ADGRA3: variants seen among roughly 807,000 people sequenced by gnomAD.
ADGRA3 encodes adhesion G protein-coupled receptor A3.
ADGRA3 carries 56 observed loss-of-function variants against 119.8 expected under a neutral mutation model. That is an observed-to-expected ratio of 0.47 (90% CI 0.38 to 0.58). The LOEUF (loss-of-function observed/expected upper bound fraction) is 0.58. Among genes scored for constraint, ADGRA3 ranks in the 20% least tolerant of loss-of-function variants. The pLI is 0.00. For synonymous variants in ADGRA3, 607 were observed against 623.8 expected, an observed-to-expected ratio of 0.97 and a Z score of 0.40; for missense variants, 1,516 against 1,649.0, an observed-to-expected ratio of 0.92 and a Z score of 1.40.
chr4:22,476,837 T>C (rs1718062347), intron 1 of ADGRA3, among the ~76,000 whole-genome samples: 1 of 151,992 alleles, frequency 6.6e-6, no homozygotes, highest in Non-Finnish European at 1.5e-5. Context: ...CAGCTAATTT[T>C]TGTATTTTTA....
intron 5 of ADGRA3, 101 bp downstream of exon 5, chr4:22,447,339 A>G: frequency 1.4e-6 from 1 of 722,514 alleles, no homozygotes; most frequent in South Asian, 1.9e-5. Context: ...CCTTGACAAG[A>G]TTGTCCTCAC....
intron 8 of ADGRA3, 51 bp from the exon 9 acceptor site, chr4:22,436,692 T>C (rs769803572): frequency 5.4e-6 from 8 of 1,471,640 alleles, no homozygotes; most frequent in East Asian, 4.6e-5. Flanking sequence ...CACGGGTACA[T>C]CAAGAATAAC....
chr4:22,513,042 C>T (rs1311217759), intron 1 of ADGRA3, among the ~76,000 whole-genome samples: 1 of 152,070 alleles, frequency 6.6e-6, no homozygotes, highest in East Asian at 1.9e-4. Context: ...TCTACAGTAA[C>T]TCTAACTCTT....
At chr4:22,400,292 A>T (rs1469285480) in intron 16 of ADGRA3, among the ~76,000 whole-genome samples, 3 of 152,152 alleles carry the variant, frequency 2.0e-5, no homozygotes, top group Non-Finnish European at 4.4e-5. Flanking sequence ...GATAGAAACA[A>T]CTTGTATGTC....
At chr4:22,412,325 G>A (rs1038477654) in intron 14 of ADGRA3, among the ~76,000 whole-genome samples, 16 of 152,018 alleles carry the variant, frequency 1.1e-4, no homozygotes, top group African/African-American at 3.9e-4. Context: ...TATCTGCTCA[G>A]ACGTCAGATT....
chr4:22,484,469 T>C (rs1421696109), intron 1 of ADGRA3, among the ~76,000 whole-genome samples: 1 of 151,794 alleles, frequency 6.6e-6, no homozygotes, highest in Non-Finnish European at 1.5e-5. Flanking sequence ...TCCGGGCGTG[T>C]TGGTGCATGC....
intron 10 of ADGRA3, among the ~76,000 whole-genome samples, chr4:22,432,269 C>G (rs955266123): frequency 6.6e-6 from 1 of 152,106 alleles, no homozygotes; most frequent in Non-Finnish European, 1.5e-5. Flanking sequence ...CCATTTCAGA[C>G]CTGCTGAAAT....
chr4:22,418,630 T>C lies in ADGRA3; in HGVS notation c.1809+2256A>G, dbSNP rs1343335946. Among the ~76,000 whole-genome samples the C allele has an allele frequency of 3.3e-5, 5 of 152,114 alleles. No individual in the cohort carries two copies. The East Asian group carries it at 9.6e-4, about 29-fold the overall frequency. ...GGAAGACGTCAAATGATAAAGCTAC[T>C]GAACAGTCTCTGGAGAGACATGAGA... On this transcript the variant is annotated intron_variant, in intron 12 of 18. Coordinates refer to ENST00000334304, the MANE Select transcript of ADGRA3 (RefSeq NM_145290.4).
At chr4:22,486,782 A>T (rs1718445538) in intron 1 of ADGRA3, among the ~76,000 whole-genome samples, 1 of 152,214 alleles carries the variant, frequency 6.6e-6, no homozygotes, top group African/African-American at 2.4e-5. Context: ...TTGAATCTTA[A>T]CACCAGGATT....
intron 3 of ADGRA3, among the ~76,000 whole-genome samples, chr4:22,461,169 T>G (rs1717434084): frequency 6.6e-6 from 1 of 152,236 alleles, no homozygotes; most frequent in African/African-American, 2.4e-5. Flanking sequence ...GAAAATCGTC[T>G]ACAGATTATG....
In ADGRA3 at chr4:22,388,915, G is replaced by A. The variant is rs1298179237; in HGVS notation, c.2756C>T (p.Ala919Val). ...GATGAAGCTGGCTGGCCCATAGAAG[G>A]CTCCCAAGGAGGGTTCCCATGCCAT... ...CWMAWEPSLGAFYGPASFITF... is the reference protein window; with the variant it reads ...CWMAWEPSLGVFYGPASFITF... Residue 919 changes from alanine to valine, a missense_variant, in exon 19 of 19, where the codon GCC becomes GTC. Physicochemically the swap from Ala to Val is moderately conservative, Grantham distance 64 (BLOSUM62 0). Transcript: ENST00000334304. The A allele has an allele frequency of 6.2e-7, 1 of 1,613,910 alleles. No individual in the cohort carries two copies. The highest frequency in any genetic ancestry group is 8.5e-7 in the Non-Finnish European group (1 of 1,179,974).
chr4:22,510,855 C>G (rs765110991), intron 1 of ADGRA3, among the ~76,000 whole-genome samples: 5 of 152,322 alleles, frequency 3.3e-5, no homozygotes, highest in African/African-American at 4.8e-5. Flanking sequence ...GGATTTATTA[C>G]TTAATGAGGG....
chr4:22,403,919 G>C (rs1013574109), intron 14 of ADGRA3, among the ~76,000 whole-genome samples: 2 of 152,112 alleles, frequency 1.3e-5, no homozygotes, highest in Non-Finnish European at 2.9e-5. Context: ...AAAATTATGT[G>C]CCTTAAGGAT....
chr4:22,480,772 C>T (rs1394556921), intron 1 of ADGRA3, among the ~76,000 whole-genome samples: 1 of 152,132 alleles, frequency 6.6e-6, no homozygotes, highest in Admixed American at 6.5e-5. Flanking sequence ...TTATGGAATT[C>T]TTTTGTCTAT....
chr4:22,392,928 T>C, intron 16 of ADGRA3: 1 of 435,740 alleles, frequency 2.3e-6, no homozygotes, highest in East Asian at 3.8e-5. Context: ...CTACCATTTA[T>C]ACCAAAGACG....
At chr4:22,446,620 A>C (rs1392221870) in intron 5 of ADGRA3, among the ~76,000 whole-genome samples, 1 of 152,090 alleles carries the variant, frequency 6.6e-6, no homozygotes. Context: ...CTACATCCCA[A>C]GGAAGACTCC....
chr4:22,513,440 GCCACCACAA>G (rs985856108), intron 1 of ADGRA3, among the ~76,000 whole-genome samples: 3 of 151,668 alleles, frequency 2.0e-5, no homozygotes, highest in African/African-American at 7.3e-5. Flanking sequence ...ACAGGCATGA[GCCACCACAA>G]CCAGCAGAAC....
chr4:22,495,042 C>G (rs1718762040), intron 1 of ADGRA3, among the ~76,000 whole-genome samples: 1 of 151,964 alleles, frequency 6.6e-6, no homozygotes, highest in Non-Finnish European at 1.5e-5. Context: ...ACAATTATAA[C>G]AATGTACTGT....
In ADGRA3 at chr4:22,515,484, AAG is replaced by A. The variant is rs780310863; in HGVS notation, c.257+42_257+43del. 25 of 1,580,634 alleles carry A rather than the reference AAG, an allele frequency of 1.6e-5. No individual in the cohort carries two copies. The African/African-American group carries it at 3.3e-4, about 21-fold the overall frequency. On this transcript the variant is annotated intron_variant, in intron 1 of 18. Coordinates refer to ENST00000334304, the MANE Select transcript of ADGRA3 (RefSeq NM_145290.4). ...TCCAAAGTTGAGCGGAGAGATAAGA[AAG>A]AGCCGAGCGGGAGAGGACCCAGCGT...
Sources: gnomAD v4.1 joint callset for allele counts (sites outside exome capture counted in the v4.1 genomes callset) on GRCh38, gnomAD v4.1.1 for gene constraint, MANE v1.5 for transcripts, NCBI Gene and HGNC (gene_info 2026-07-23, HGNC 2026-07-21) for gene names.